NUP210L: variants seen among roughly 807,000 people sequenced by gnomAD.
NUP210L encodes the protein nuclear pore membrane glycoprotein 210-like.
A neutral mutation model predicts 208.5 loss-of-function variants in NUP210L; 74 were observed. That is an observed-to-expected ratio of 0.35 (90% CI 0.29 to 0.43). The LOEUF is 0.43. Among genes scored for constraint, NUP210L ranks in the 20% least tolerant of loss-of-function variants. The pLI is 1.00. For missense variants in NUP210L, 1,843 were observed against 2,289.4 expected (o/e 0.81, Z 3.98); for synonymous variants, 780 against 816.9 (o/e 0.95, Z 0.77).
At chr1:154,109,651 C>A (rs1656944755) in intron 12 of NUP210L, among the ~76,000 whole-genome samples, 2 of 151,476 alleles carry the variant, frequency 1.3e-5, no homozygotes, top group South Asian at 4.2e-4. Flanking sequence ...TACGTTAGGT[C>A]CAAAACAATT....
At chr1:154,026,104 G>A (rs943147039) in intron 29 of NUP210L, among the ~76,000 whole-genome samples, 6 of 151,466 alleles carry the variant, frequency 4.0e-5, no homozygotes, top group Non-Finnish European at 8.8e-5. Context: ...GCATGATGGC[G>A]GGTGCCTGTA....
chr1:154,042,192 C>T (rs1652923873), intron 27 of NUP210L, among the ~76,000 whole-genome samples: 1 of 151,526 alleles, frequency 6.6e-6, no homozygotes, highest in Non-Finnish European at 1.5e-5. Flanking sequence ...CTTCACCTCC[C>T]GGGCTCAGGT....
chr1:154,059,405 G>A (rs563917526), intron 20 of NUP210L, among the ~76,000 whole-genome samples: 1 of 152,196 alleles, frequency 6.6e-6, no homozygotes, highest in South Asian at 2.1e-4. Flanking sequence ...AGGCTGAGGT[G>A]GATCACTTGA....
chr1:154,104,426 C>A, intron 12 of NUP210L: 1 of 537,210 alleles, frequency 1.9e-6, no homozygotes, highest in Non-Finnish European at 3.3e-6. Flanking sequence ...AAGGAAGGAG[C>A]CACTGAAGGG....
intron 12 of NUP210L, among the ~76,000 whole-genome samples, chr1:154,109,249 A>G (rs1416539742): frequency 1.3e-5 from 2 of 151,706 alleles, no homozygotes; most frequent in Non-Finnish European, 1.5e-5. Flanking sequence ...AGCTATGCTT[A>G]TATCAGACAA....
Position 154,032,705 on chromosome 1 carries a change from G to T in NUP210L, c.3697-2651C>A, listed in dbSNP as rs1652302040. On this transcript the variant is annotated intron_variant, in intron 27 of 39. Coordinates refer to ENST00000368559, the Ensembl canonical transcript of NUP210L. ...GGCCGAGGCAGGTGGATCACCTGAGGTTAGGAGTTCGAGACCAGCCTGGCC... is the reference window on the plus strand; with the variant it reads ...GGCCGAGGCAGGTGGATCACCTGAGTTTAGGAGTTCGAGACCAGCCTGGCC... Among the ~76,000 whole-genome samples, 7 of 152,108 alleles carry T rather than the reference G, an allele frequency of 4.6e-5. 1 individual carries two copies. In the South Asian group the frequency reaches 1.2e-3, roughly 27 times the overall value.
chr1:154,004,965 TG>T (rs2147894460), intron 35 of NUP210L, among the ~76,000 whole-genome samples: 1 of 148,564 alleles, frequency 6.7e-6, no homozygotes, highest in Non-Finnish European at 1.5e-5. Flanking sequence ...GCAGTTCTCC[TG>T]CCTCAGCCTC....
At chr1:153,993,047 A>G (rs1649566200) in exon 39 of NUP210L, 1 of 1,613,768 alleles carries the variant, frequency 6.2e-7, no homozygotes, top group African/African-American at 1.3e-5. Context: ...TGGTACATAC[A>G]CAACTGGAAC....
intron 15 of NUP210L, among the ~76,000 whole-genome samples, chr1:154,092,913 C>G (rs550994691): frequency 6.6e-6 from 1 of 151,958 alleles, no homozygotes; most frequent in East Asian, 1.9e-4. Flanking sequence ...TTAGTAGGGA[C>G]AGGGTCTCAC....
chr1:154,128,347 G>C (rs552010986), intron 8 of NUP210L, among the ~76,000 whole-genome samples: 1 of 151,644 alleles, frequency 6.6e-6, no homozygotes, highest in Non-Finnish European at 1.5e-5. Context: ...TTAGCTGAAC[G>C]TGGTGGCTCG....
chr1:154,064,438 C>G (rs1048452193), intron 17 of NUP210L, among the ~76,000 whole-genome samples: 40 of 152,106 alleles, frequency 2.6e-4, no homozygotes, highest in Non-Finnish European at 4.4e-5. Flanking sequence ...TAGTCTCACT[C>G]GCCTTCTTAA....
intron 22 of NUP210L, 26 bp downstream of exon 22, chr1:154,058,063 G>C (rs1331972711): frequency 6.2e-7 from 1 of 1,613,248 alleles, no homozygotes; most frequent in African/African-American, 1.3e-5. Context: ...TGCAGAGTGG[G>C]AAGGAAGTAT....
At chr1:154,090,678 C>T (rs1242969018) in intron 15 of NUP210L, among the ~76,000 whole-genome samples, 1 of 151,892 alleles carries the variant, frequency 6.6e-6, no homozygotes, top group African/African-American at 2.4e-5. Flanking sequence ...AGGCATATTG[C>T]CACACGCCTG....
chr1:154,054,651 C>T lies in NUP210L; in HGVS notation c.3303+119G>A, dbSNP rs1411114331. ...ATACTAATCTTGTTCTTTATCAGATCCACTAGTACTTGGGTGAGAGTAAAT... is the reference window on the plus strand; with the variant it reads ...ATACTAATCTTGTTCTTTATCAGATTCACTAGTACTTGGGTGAGAGTAAAT... On this transcript the variant is annotated intron_variant, in intron 24 of 39. Coordinates refer to ENST00000368559, the Ensembl canonical transcript of NUP210L. 3.7e-6 allele frequency: 3 copies of T among 803,920 alleles called. No homozygotes were observed. The African/African-American group carries it at 5.2e-5, about 14-fold the overall frequency. 49.8% of individuals were successfully genotyped at this position (803,920 alleles called of 1,614,324 possible).
At chr1:154,000,765 G>T in intron 37 of NUP210L, 91 bp downstream of exon 37, 1 of 1,125,834 alleles carries the variant, frequency 8.9e-7, no homozygotes, top group Non-Finnish European at 1.3e-6. Flanking sequence ...AGTGAAATGC[G>T]GAAAGCAAAA....
At chr1:154,036,174 T>C (rs1652530907) in intron 27 of NUP210L, among the ~76,000 whole-genome samples, 1 of 152,140 alleles carries the variant, frequency 6.6e-6, no homozygotes, top group Non-Finnish European at 1.5e-5. Flanking sequence ...TTAATTACCC[T>C]GTGTTTGTAT....
Position 154,126,482 on chromosome 1 carries a change from G to A in NUP210L, c.1186-19C>T. ...TGAGATTCTGAAAATCAGCCCCACAGTAACACAAACCTGAAGATATGTTCT... is the reference window on the plus strand; with the variant it reads ...TGAGATTCTGAAAATCAGCCCCACAATAACACAAACCTGAAGATATGTTCT... On this transcript the variant is annotated intron_variant, in intron 9 of 39. Transcript: ENST00000368559. 1 of 1,600,226 alleles carries A rather than the reference G, an allele frequency of 6.2e-7. No homozygotes were observed. The highest frequency in any genetic ancestry group is 8.5e-7 in the Non-Finnish European group (1 of 1,174,088).
intron 11 of NUP210L, among the ~76,000 whole-genome samples, chr1:154,118,400 T>C (rs534275939): frequency 1.3e-5 from 2 of 152,116 alleles, no homozygotes; most frequent in East Asian, 3.9e-4. Context: ...GGAGGCAAAG[T>C]AATGGTAGTG....
rs777544638 is a variant in NUP210L at position 154,097,084 on chromosome 1, A to T, written c.1966-1928T>A. Among the ~76,000 whole-genome samples the T allele has an allele frequency of 2.1e-3, 322 of 152,020 alleles. 2 individuals carry two copies. Among genetic ancestry groups the T allele is most frequent in the Non-Finnish European group, 3.3e-3 (221 of 67,966 alleles). ...GTGAGACTCTGTCTCAAAAAAAAAA[A>T]TTTTTTTTGACAGAAGAAATGAATG... On this transcript the variant is annotated intron_variant, in intron 14 of 39. Coordinates refer to ENST00000368559, the Ensembl canonical transcript of NUP210L.
Sources: gnomAD v4.1 joint callset for allele counts (sites outside exome capture counted in the v4.1 genomes callset) on GRCh38, gnomAD v4.1.1 for gene constraint, MANE v1.5 for transcripts, NCBI Gene and HGNC (gene_info 2026-07-23, HGNC 2026-07-21) for gene names.